Variants in ZFYVE9 observed in about 807,000 individuals in gnomAD.
ZFYVE9 encodes zinc finger FYVE-type containing 9, also known as zinc finger FYVE domain-containing protein 9.
In ZFYVE9, 43 loss-of-function variants were observed where a neutral mutation model predicts 126.7. The observed-to-expected ratio is 0.34, with a 90% CI of 0.27 to 0.44. The LOEUF (loss-of-function observed/expected upper bound fraction) is 0.44, where lower values mean the gene tolerates loss of function less well. ZFYVE9 is among the 20% of genes least tolerant of loss of function. ZFYVE9 has a pLI of 1.00. For missense variants in ZFYVE9, 1,476 were observed against 1,697.0 expected (o/e 0.87, Z 2.29); for synonymous variants, 521 against 597.4 (o/e 0.87, Z 1.87).
At chr1:52,184,258 C>G (rs1028931579) in intron 1 of ZFYVE9, among the ~76,000 whole-genome samples, 2 of 140,832 alleles carry the variant, frequency 1.4e-5, no homozygotes, top group Non-Finnish European at 3.1e-5. Flanking sequence ...GATTTTCACT[C>G]TTGTTGCCCA....
intron 1 of ZFYVE9, among the ~76,000 whole-genome samples, chr1:52,172,532 G>C (rs1644583221): frequency 6.6e-6 from 1 of 152,092 alleles, no homozygotes; most frequent in Admixed American, 6.5e-5. Context: ...TTCCAATTCT[G>C]TGAAGAAAGT....
At chr1:52,299,562 G>A (rs553699662) in intron 12 of ZFYVE9, among the ~76,000 whole-genome samples, 1 of 152,256 alleles carries the variant, frequency 6.6e-6, no homozygotes, top group Non-Finnish European at 1.5e-5. Context: ...TTATTGTGCT[G>A]GGCTGCTTGT....
At position 52,345,996 on chromosome 1, in the gene ZFYVE9, C is replaced by G. The variant is rs891794057; in HGVS notation, c.4117-64C>G. 1.5e-5 allele frequency: 21 copies of G among 1,443,426 alleles called. No individual in the cohort carries two copies. In the Admixed American group the frequency reaches 4.7e-4, roughly 32 times the overall value. The allele number at this position is 1,443,426 out of a possible 1,614,324, so 89.4% of individuals were successfully genotyped here. A position where few individuals can be genotyped will look rare whatever the true frequency, so the allele number is the denominator to read the frequency against. The stretch of plus-strand genomic sequence containing the variant: ...TCTCCTTTCCTGCTCAGCCTCCTTG[C>G]CCTCAGCCCTGGAGAGGCCTTCTCT... On this transcript the variant is annotated intron_variant, in intron 18 of 18. Transcript: ENST00000287727.
chr1:52,337,989 G>GT, intron 16 of ZFYVE9, 55 bp downstream of exon 16: 1 of 1,564,330 alleles, frequency 6.4e-7, no homozygotes, highest in Non-Finnish European at 8.7e-7. Flanking sequence ...TAGGCTCTGG[G>GT]TTTTGTCTGC....
intron 13 of ZFYVE9, among the ~76,000 whole-genome samples, chr1:52,330,908 C>T (rs181268421): frequency 1.3e-4 from 20 of 152,218 alleles, no homozygotes; most frequent in Non-Finnish European, 7.4e-5. Flanking sequence ...CCTGTGTTCC[C>T]CAGGCTGGAG....
At chr1:52,163,047 C>CT in intron 1 of ZFYVE9, 1 of 214,622 alleles carries the variant, frequency 4.7e-6, no homozygotes, top group Non-Finnish European at 9.2e-6. Context: ...CTCTTGCTTT[C>CT]TACTTCTCTT....
intron 7 of ZFYVE9, among the ~76,000 whole-genome samples, chr1:52,272,671 A>ACCTTTTTTTTTTTT (rs1162973754): frequency 1.5e-5 from 2 of 134,850 alleles, no homozygotes; most frequent in African/African-American, 3.3e-5. Context: ...GCTAGAAATA[A>ACCTTTTTTTTTTTT]TCTTTTTTTT....
At chr1:52,330,106 C>T (rs1361996790) in intron 13 of ZFYVE9, among the ~76,000 whole-genome samples, 1 of 152,092 alleles carries the variant, frequency 6.6e-6, no homozygotes. Flanking sequence ...AGGCCAGGTG[C>T]GATGGCTCAC....
chr1:52,269,274 C>T (rs1212849752), intron 7 of ZFYVE9, among the ~76,000 whole-genome samples: 4 of 152,002 alleles, frequency 2.6e-5, no homozygotes, highest in East Asian at 1.9e-4. Flanking sequence ...GGATTACAGG[C>T]GCCTGCCATC....
At chr1:52,288,253 T>C (rs538655981) in intron 10 of ZFYVE9, among the ~76,000 whole-genome samples, 43 of 152,334 alleles carry the variant, frequency 2.8e-4, no homozygotes, top group African/African-American at 1.0e-3. Context: ...ATGTTGTCCG[T>C]AAATCTCATG....
intron 1 of ZFYVE9, among the ~76,000 whole-genome samples, chr1:52,181,437 C>G (rs967837071): frequency 2.6e-5 from 4 of 152,240 alleles, no homozygotes; most frequent in Non-Finnish European, 4.4e-5. Context: ...TCGCTACAAT[C>G]TCCACCTCCC....
chr1:52,225,974 C>T (rs2124611268), intron 2 of ZFYVE9, among the ~76,000 whole-genome samples: 1 of 152,214 alleles, frequency 6.6e-6, no homozygotes, highest in East Asian at 1.9e-4. Context: ...AGAGACGGGT[C>T]TTCCGAGGGA....
intron 1 of ZFYVE9, among the ~76,000 whole-genome samples, chr1:52,172,164 A>G (rs1399894896): frequency 6.6e-6 from 1 of 152,098 alleles, no homozygotes. Flanking sequence ...GTCCATCTTG[A>G]ATTAAATTTT....
At chr1:52,337,378 C>A (rs990393505) in intron 15 of ZFYVE9, among the ~76,000 whole-genome samples, 13 of 152,194 alleles carry the variant, frequency 8.5e-5, no homozygotes, top group Non-Finnish European at 1.9e-4. Flanking sequence ...ATTTATTGGG[C>A]ATTCACTGTA....
At chr1:52,296,806 T>C (rs893272473) in intron 12 of ZFYVE9, among the ~76,000 whole-genome samples, 1 of 152,018 alleles carries the variant, frequency 6.6e-6, no homozygotes, top group Non-Finnish European at 1.5e-5. Flanking sequence ...GCAAAGCTCA[T>C]TTTTTTGTTT....
intron 1 of ZFYVE9, among the ~76,000 whole-genome samples, chr1:52,166,680 A>G (rs114905636): frequency 7.3e-4 from 111 of 152,244 alleles, no homozygotes; most frequent in African/African-American, 2.4e-3. Context: ...GAGGAGGCCA[A>G]GGTAGGAGCA....
intron 11 of ZFYVE9, among the ~76,000 whole-genome samples, chr1:52,294,000 T>G (rs1260281771): frequency 6.6e-6 from 1 of 152,348 alleles, no homozygotes; most frequent in Admixed American, 6.5e-5. Flanking sequence ...TCTTTGTCAC[T>G]TGGTTGGAAA....
At chr1:52,262,614 G>A (rs892485139) in intron 4 of ZFYVE9, among the ~76,000 whole-genome samples, 3 of 152,090 alleles carry the variant, frequency 2.0e-5, no homozygotes, top group Admixed American at 6.5e-5. Context: ...GGGAGATATC[G>A]AGCTTAACTT....
chr1:52,228,739 C>T (rs531045456), intron 2 of ZFYVE9, among the ~76,000 whole-genome samples: 97 of 152,234 alleles, frequency 6.4e-4, no homozygotes, highest in Non-Finnish European at 1.1e-3. Flanking sequence ...CCCAATGTAT[C>T]GTCCATATCC....
Sources: gnomAD v4.1 joint callset for allele counts (sites outside exome capture counted in the v4.1 genomes callset) on GRCh38, gnomAD v4.1.1 for gene constraint, MANE v1.5 for transcripts, NCBI Gene and HGNC (gene_info 2026-07-23, HGNC 2026-07-21) for gene names.